TMEM132B: variants seen among roughly 807,000 people sequenced by gnomAD.
The protein encoded by TMEM132B is transmembrane protein 132B.
A neutral mutation model predicts 90.8 loss-of-function variants in TMEM132B; 18 were observed. The ratio of observed to expected loss-of-function variants is 0.20; its 90% CI spans 0.14 to 0.29. TMEM132B has a LOEUF of 0.29. Ranked by LOEUF, TMEM132B falls within the 10% of genes least tolerant of loss-of-function variation. TMEM132B has a pLI of 1.00. For missense variants in TMEM132B, 1,096 were observed against 1,326.8 expected (o/e 0.83, Z 2.70); for synonymous variants, 504 against 523.3 (o/e 0.96, Z 0.50).
At chr12:125,489,409 A>G (rs1882292815) in intron 3 of TMEM132B, among the ~76,000 whole-genome samples, 1 of 151,796 alleles carries the variant, frequency 6.6e-6, no homozygotes, top group African/African-American at 2.4e-5. Context: ...TTTTTTAAAA[A>G]TTTACTTATT....
intron 2 of TMEM132B, among the ~76,000 whole-genome samples, chr12:125,409,196 C>G (rs1238231254): frequency 6.6e-6 from 1 of 152,126 alleles, no homozygotes; most frequent in Admixed American, 6.5e-5. Flanking sequence ...TGGAGAGTTG[C>G]TGGGCCCTAG....
intron 1 of TMEM132B, among the ~76,000 whole-genome samples, chr12:125,265,436 G>GTC (rs150162098): frequency 9.2e-5 from 14 of 152,200 alleles, no homozygotes; most frequent in Admixed American, 3.9e-4. Flanking sequence ...CGTGAATGTG[G>GTC]TCTCTCTCTC....
chr12:125,567,642 C>A (rs1283522575), intron 4 of TMEM132B, among the ~76,000 whole-genome samples: 1 of 152,208 alleles, frequency 6.6e-6, no homozygotes, highest in Non-Finnish European at 1.5e-5. Flanking sequence ...TTTGATAGAG[C>A]TAAGTGCTTC....
At chr12:125,437,215 G>A (rs1386622519) in intron 3 of TMEM132B, among the ~76,000 whole-genome samples, 3 of 152,164 alleles carry the variant, frequency 2.0e-5, no homozygotes, top group South Asian at 2.1e-4. Context: ...GTTTGGATCC[G>A]CTTTCCCTGG....
chr12:125,404,058 A>G (rs1879395516), intron 2 of TMEM132B, among the ~76,000 whole-genome samples: 1 of 152,192 alleles, frequency 6.6e-6, no homozygotes, highest in African/African-American at 2.4e-5. Flanking sequence ...CAAAGCCCAC[A>G]TGCATGAGAG....
At chr12:125,397,486 G>T (rs1383454411) in intron 2 of TMEM132B, among the ~76,000 whole-genome samples, 1 of 152,064 alleles carries the variant, frequency 6.6e-6, no homozygotes, top group African/African-American at 2.4e-5. Context: ...ACAAATCCCA[G>T]GTTCCCATGA....
chr12:125,577,090 C>T (rs1884958665), intron 4 of TMEM132B, among the ~76,000 whole-genome samples: 1 of 151,572 alleles, frequency 6.6e-6, no homozygotes, highest in African/African-American at 2.4e-5. Flanking sequence ...TTTTGTTAGA[C>T]TTTATTAATG....
chr12:125,493,988 C>G (rs1337702154), intron 3 of TMEM132B, among the ~76,000 whole-genome samples: 2 of 143,008 alleles, frequency 1.4e-5, no homozygotes, highest in Admixed American at 1.4e-4. Flanking sequence ...TCCCTCTTCT[C>G]CCTGGAAATG....
At chr12:125,220,864 T>C (rs1360949488) in intron 1 of TMEM132B, among the ~76,000 whole-genome samples, 1 of 152,224 alleles carries the variant, frequency 6.6e-6, no homozygotes, top group Non-Finnish European at 1.5e-5. Context: ...AGTCCTGAGC[T>C]TGGCCCACAA....
chr12:125,212,968 C>G (rs1873355057), intron 1 of TMEM132B, among the ~76,000 whole-genome samples: 1 of 152,020 alleles, frequency 6.6e-6, no homozygotes, highest in Admixed American at 6.5e-5. Context: ...TTAAAGTGTA[C>G]AAGTCCGTGG....
intron 1 of TMEM132B, chr12:125,300,793 G>C (rs1194735395): frequency 6.6e-6 from 1 of 152,152 alleles, no homozygotes; most frequent in Non-Finnish European, 1.5e-5. Flanking sequence ...CTGAACCCCG[G>C]CCACTGTGCC....
At chr12:125,418,968 A>G (rs1052570293) in intron 3 of TMEM132B, among the ~76,000 whole-genome samples, 2 of 152,252 alleles carry the variant, frequency 1.3e-5, no homozygotes, top group African/African-American at 4.8e-5. Flanking sequence ...GACTATTTGC[A>G]TGGAAGCCAC....
chr12:125,592,093 T>A (rs980439186), intron 5 of TMEM132B, among the ~76,000 whole-genome samples: 1 of 152,190 alleles, frequency 6.6e-6, no homozygotes, highest in East Asian at 1.9e-4. Flanking sequence ...GTGTGTATTC[T>A]TTTCTTTGCT....
At chr12:125,389,013 TACACACACAC>T (rs71447042) in intron 2 of TMEM132B, among the ~76,000 whole-genome samples, 153 of 140,180 alleles carry the variant, frequency 1.1e-3, no homozygotes, top group Middle Eastern at 3.6e-3. Flanking sequence ...ATATTTTCTG[TACACACACAC>T]ACACACACAC....
intron 4 of TMEM132B, among the ~76,000 whole-genome samples, chr12:125,522,496 C>T (rs772297314): frequency 1.3e-5 from 2 of 152,188 alleles, no homozygotes; most frequent in African/African-American, 4.8e-5. Context: ...GCCTATCCCC[C>T]CAAAGCAACA....
intron 3 of TMEM132B, among the ~76,000 whole-genome samples, chr12:125,515,631 CACACATTG>C (rs1177685273): frequency 6.6e-6 from 1 of 150,954 alleles, no homozygotes; most frequent in African/African-American, 2.4e-5. Context: ...CATTTAGTCA[CACACATTG>C]ACACATTCAC....
intron 1 of TMEM132B, among the ~76,000 whole-genome samples, chr12:125,260,531 T>C (rs926608236): frequency 1.3e-5 from 2 of 150,438 alleles, no homozygotes; most frequent in African/African-American, 4.9e-5. Flanking sequence ...TTTTTTTTCG[T>C]AGAAACAAGG....
chr12:125,281,761 G>A (rs371551745), intron 1 of TMEM132B, among the ~76,000 whole-genome samples: 91 of 152,194 alleles, frequency 6.0e-4, no homozygotes, highest in Non-Finnish European at 9.6e-4. Context: ...GGGCGCGGTG[G>A]CTCACGCCTG....
chr12:125,263,701 C>G (rs950187504), intron 1 of TMEM132B, among the ~76,000 whole-genome samples: 2 of 152,220 alleles, frequency 1.3e-5, no homozygotes, highest in Non-Finnish European at 2.9e-5. Context: ...AAAACATCTT[C>G]TCCAAACCGG....
Sources: allele counts gnomAD v4.1 joint callset (sites outside exome capture counted in the v4.1 genomes callset), GRCh38; gene constraint gnomAD v4.1.1; transcripts MANE v1.5; gene names NCBI Gene and HGNC (gene_info 2026-07-23, HGNC 2026-07-21).